The following LAMC3 variants were observed in gnomAD, a reference collection of about 807,000 sequenced individuals.
The protein encoded by LAMC3 is laminin subunit gamma 3, also known as laminin subunit gamma-3.
Under a neutral mutation model 173.8 loss-of-function variants are expected in LAMC3, and 128 were observed. That is an observed-to-expected ratio of 0.74 (90% CI 0.64 to 0.85). The LOEUF is 0.85. Among genes scored for constraint, LAMC3 ranks in the 40% least tolerant of loss-of-function variants. The pLI, the probability that LAMC3 is intolerant of heterozygous loss-of-function variation, is 0.00. For missense variants in LAMC3, 2,022 were observed against 2,156.0 expected (o/e 0.94, Z 1.23); for synonymous variants, 897 against 909.1 (o/e 0.99, Z 0.24).
chr9:131,077,073 C>G, intron 21 of LAMC3, 114 bp from the exon 22 acceptor site: 1 of 1,424,798 alleles, frequency 7.0e-7, no homozygotes, highest in Non-Finnish European at 9.8e-7. Flanking sequence ...GAGGGCTATT[C>G]TGCCTGGGAA....
chr9:131,028,339 C>T (rs951558973), intron 2 of LAMC3, among the ~76,000 whole-genome samples: 2 of 152,152 alleles, frequency 1.3e-5, no homozygotes, highest in East Asian at 1.9e-4. Flanking sequence ...TCCATTTCCC[C>T]GGGTTCAGAC....
intron 25 of LAMC3, chr9:131,085,945 G>C: frequency 1.6e-6 from 1 of 614,656 alleles, no homozygotes; most frequent in South Asian, 1.9e-5. Context: ...CTGAGGTGCA[G>C]CCAGCTTCAT....
At chr9:131,087,336 A>G (rs546922612) in intron 25 of LAMC3, 140 bp from the exon 26 acceptor site, 2 of 1,097,964 alleles carry the variant, frequency 1.8e-6, no homozygotes, top group Non-Finnish European at 2.8e-6. Flanking sequence ...CATTCAGTAC[A>G]TATTTGTTGC....
chr9:131,053,076 G>A (rs775054451), intron 11 of LAMC3, 111 bp downstream of exon 11: 522 of 848,394 alleles, frequency 6.2e-4, no homozygotes, highest in Non-Finnish European at 8.6e-4. Context: ...GGTGGTTATT[G>A]TCCTGTTTTG....
At chr9:131,014,711 A>G (rs947168746) in intron 1 of LAMC3, among the ~76,000 whole-genome samples, 10 of 152,186 alleles carry the variant, frequency 6.6e-5, no homozygotes, top group Admixed American at 1.3e-4. Flanking sequence ...TGAGGCTCAC[A>G]CCTGTAACCC....
chr9:131,036,928 G>A (rs766999783), intron 4 of LAMC3, among the ~76,000 whole-genome samples: 21 of 152,252 alleles, frequency 1.4e-4, no homozygotes, highest in Non-Finnish European at 1.6e-4. Flanking sequence ...ATGCACAGCC[G>A]CCGTTGCTGG....
rs1322088601 is a variant in LAMC3 at position 131,066,994 on chromosome 9, T to G, written c.2382T>G (p.Phe794Leu). The G allele has an allele frequency of 1.9e-6, 3 of 1,613,980 alleles. No homozygotes were observed. The highest frequency in any genetic ancestry group is 2.5e-6 in the Non-Finnish European group (3 of 1,180,016). The change falls in exon 14 of 28, where the codon TTT becomes TTG. Residue 794 changes from phenylalanine (F) to leucine (L), a missense_variant. By Grantham distance (22) the Phe-to-Leu change is conservative. Transcript: ENST00000361069. The part of the protein sequence containing the change: ...RRCEVCDDGF[F>L]GDPLGLFGHP... The stretch of plus-strand genomic sequence containing the variant: ...GTGAGGTCTGTGATGATGGCTTTTT[T>G]GGGGACCCGCTGGGGCTCTTTGGGC...
At position 131,038,987 on chromosome 9, in the gene LAMC3, G is replaced by C; in HGVS notation, c.1100G>C (p.Cys367Ser). Reference sequence around the variant, plus strand: ...ACAGCTGGGCCACACTGTGAGCGCTGTCAGGAGAATTTCTATCACTGGGAC... The same window carrying C: ...ACAGCTGGGCCACACTGTGAGCGCTCTCAGGAGAATTTCTATCACTGGGAC... ...DHTAGPHCER[C>S]QENFYHWDPR... is the part of the protein sequence containing the mutation. The change falls in exon 5 of 28, where the codon TGT becomes TCT. Residue 367 changes from cysteine (C) to serine (S), a missense_variant. Cys to Ser is a moderately radical substitution (Grantham distance 112). Transcript: ENST00000361069. 1 of 1,613,618 alleles carries C rather than the reference G, an allele frequency of 6.2e-7. No individual in the cohort carries two copies. Among genetic ancestry groups the C allele is most frequent in the Non-Finnish European group, 8.5e-7 (1 of 1,180,028 alleles).
chr9:131,026,590 G>A lies in LAMC3; in HGVS notation c.678+1G>A, dbSNP rs1334456100. ...CTTCGAGGAGAGCCCTGGGCTGCAG[G>A]TCAGGGAGGAGCGGGGCTTCGGAGG... On this transcript the variant is annotated splice_donor_variant, in intron 2 of 27. Coordinates refer to ENST00000361069, the MANE Select transcript of LAMC3 (RefSeq NM_006059.4). LOFTEE classifies it high-confidence loss of function. This position sits in a 1 kb window ranked among gnomAD's most constrained non-coding sequence, Gnocchi z 4.8. The A allele has an allele frequency of 1.3e-6, 2 of 1,584,020 alleles. No homozygotes were observed. The highest frequency in any genetic ancestry group is 4.5e-5 in the East Asian group (2 of 43,958).
intron 3 of LAMC3, among the ~76,000 whole-genome samples, chr9:131,033,947 G>T (rs1433971257): frequency 1.3e-5 from 2 of 152,148 alleles, no homozygotes; most frequent in Non-Finnish European, 2.9e-5. Flanking sequence ...GAAGGCCAAG[G>T]CTCGTCACTG....
chr9:131,021,090 T>C (rs995992327), intron 1 of LAMC3: 1 of 152,204 alleles, frequency 6.6e-6, no homozygotes, highest in Non-Finnish European at 1.5e-5. Context: ...AATTGTAGGT[T>C]CTTGCTTGGA....
rs1233896114 is a variant in LAMC3, at chr9:131,067,092, T to A, written c.2480T>A (p.Leu827Gln). 1 of 1,614,136 alleles carries A rather than the reference T, an allele frequency of 6.2e-7. No homozygotes were observed. ...AATGCCGTGGGCAACTGTGACCCCC[T>A]GTCTGGCCACTGCCTGCGCTGCCTG... The part of the protein sequence containing the change: ...DPNAVGNCDP[L>Q]SGHCLRCLHN... The change falls in exon 14 of 28, where the codon CTG becomes CAG. Residue 827 changes from leucine to glutamine, a missense_variant. By Grantham distance (113) the Leu-to-Gln change is moderately radical (BLOSUM62 -2). Transcript: ENST00000361069.
Position 131,068,897 on chromosome 9 carries a change from C to A in LAMC3, c.2748-11C>A. 1 of 1,613,880 alleles carries A rather than the reference C, an allele frequency of 6.2e-7. No homozygotes were observed. Among genetic ancestry groups the A allele is most frequent in the East Asian group, 2.2e-5 (1 of 44,848 alleles). On this transcript the variant is annotated splice_polypyrimidine_tract_variant and intron_variant, in intron 15 of 27. Coordinates refer to ENST00000361069, the MANE Select transcript of LAMC3 (RefSeq NM_006059.4). The stretch of plus-strand genomic sequence containing the variant: ...AGCTTGCCTCAGACCCAGTTCCTTC[C>A]CTGATCACAGCTGCAAGTGTCACCC...
intron 20 of LAMC3, among the ~76,000 whole-genome samples, chr9:131,075,081 T>C (rs907967858): frequency 2.0e-5 from 3 of 151,844 alleles, no homozygotes; most frequent in South Asian, 2.1e-4. Flanking sequence ...TTGGGCAAGA[T>C]GGTGAAACCC....
Position 131,036,292 on chromosome 9 carries a change from G to A in LAMC3, c.936G>A (p.Pro312=), listed in dbSNP as rs139232516. The change falls in exon 4 of 28, where the codon CCG becomes CCA. Residue 312 remains proline (P), a synonymous_variant. Transcript: ENST00000361069. ...ERCLPFFQDR[P]WARGTAEAAH... is the part of the protein sequence containing the mutation. The stretch of plus-strand genomic sequence containing the variant: ...GCCTGCCCTTCTTCCAGGACCGCCC[G>A]TGGGCCCGGGGCACCGCCGAGGCTG... 57 of 1,613,166 alleles carry A rather than the reference G, an allele frequency of 3.5e-5. No homozygotes were observed. Among genetic ancestry groups the A allele is most frequent in the Admixed American group, 8.3e-5 (5 of 59,990 alleles).
In LAMC3 at chr9:131,039,211, C is replaced by T. The variant is rs755101968; in HGVS notation, c.1246C>T (p.Leu416=). The change falls in exon 6 of 28, where the codon CTG becomes TTG. Residue 416 remains leucine, a synonymous_variant. Transcript: ENST00000361069. ...GACTGGCTGGAAGTGTGACCGCTGT[C>T]TGCCCGGGTTCCACTCGCTCAGTGA... ...TVTGWKCDRC[L]PGFHSLSEGG... The T allele has an allele frequency of 2.5e-6, 4 of 1,607,776 alleles. No homozygotes were observed. Among genetic ancestry groups the T allele is most frequent in the African/African-American group, 1.3e-5 (1 of 74,940 alleles).
At chr9:131,045,866 T>A (rs989090867) in intron 8 of LAMC3, among the ~76,000 whole-genome samples, 1 of 152,180 alleles carries the variant, frequency 6.6e-6, no homozygotes, top group African/African-American at 2.4e-5. Flanking sequence ...CCCTGACTCT[T>A]CTCTTTATAC....
chr9:131,044,509 CA>C (rs988366716), intron 7 of LAMC3, among the ~76,000 whole-genome samples: 4 of 151,684 alleles, frequency 2.6e-5, no homozygotes, highest in Admixed American at 6.6e-5. Context: ...GACTTCGTCT[CA>C]AAAAAAAATT....
chr9:131,025,541 G>A (rs773397797), intron 1 of LAMC3, among the ~76,000 whole-genome samples: 10 of 152,132 alleles, frequency 6.6e-5, no homozygotes, highest in Non-Finnish European at 1.3e-4. Context: ...GGAGCAAGCA[G>A]AGGGGCTCAG....
Sources: gnomAD v4.1 joint callset for allele counts (sites outside exome capture counted in the v4.1 genomes callset) on GRCh38, gnomAD v4.1.1 for gene constraint, Gnocchi (gnomAD v3.1) non-coding constraint, MANE v1.5 for transcripts, NCBI Gene and HGNC (gene_info 2026-07-23, HGNC 2026-07-21) for gene names.